The following EHD4 variants were observed in gnomAD, a reference collection of about 807,000 sequenced individuals.
EHD4 encodes the protein EH domain-containing protein 4.
In EHD4, 37 loss-of-function variants were observed where a neutral mutation model predicts 51.0. The ratio of observed to expected loss-of-function variants is 0.73; its 90% CI spans 0.56 to 0.95. The LOEUF (loss-of-function observed/expected upper bound fraction) is 0.95. Ranked by LOEUF, EHD4 falls within the 40% of genes least tolerant of loss-of-function variation. EHD4 has a pLI of 0.00. For synonymous variants in EHD4, 297 were observed against 317.3 expected, an observed-to-expected ratio of 0.94 and a Z score of 0.68; for missense variants, 632 against 733.1, an observed-to-expected ratio of 0.86 and a Z score of 1.59.
chr15:41,946,659 G>A (rs1250028026), intron 2 of EHD4, among the ~76,000 whole-genome samples: 1 of 152,180 alleles, frequency 6.6e-6, no homozygotes, highest in Non-Finnish European at 1.5e-5. Context: ...CCAGGAGGTC[G>A]GAGCTGCAGT....
intron 1 of EHD4, among the ~76,000 whole-genome samples, chr15:41,963,981 TAAAAATGCA>T (rs1473776584): frequency 6.6e-6 from 1 of 151,320 alleles, no homozygotes; most frequent in East Asian, 1.9e-4. Context: ...CCGTCTCTTC[TAAAAATGCA>T]AAAAATTAGC....
intron 1 of EHD4, 93 bp downstream of exon 1, chr15:41,972,166 C>G: frequency 1.6e-6 from 2 of 1,225,308 alleles, no homozygotes; most frequent in Non-Finnish European, 1.0e-6. Flanking sequence ...GTCGCGCCGG[C>G]CGGGAGGGGC....
chr15:41,971,687 GGGCGGCTAAA>G (rs2067996491), intron 1 of EHD4, among the ~76,000 whole-genome samples: 1 of 152,166 alleles, frequency 6.6e-6, no homozygotes, highest in Admixed American at 6.5e-5. Flanking sequence ...CACTTCCTAC[GGGCGGCTAAA>G]GGCGGTGCAT....
chr15:41,932,382 G>C (rs2067705023), intron 3 of EHD4, among the ~76,000 whole-genome samples: 1 of 152,316 alleles, frequency 6.6e-6, no homozygotes, highest in South Asian at 2.1e-4. Context: ...GGGTGGTACA[G>C]ACATTCTTCA....
intron 3 of EHD4, among the ~76,000 whole-genome samples, chr15:41,938,735 C>T (rs1240260727): frequency 2.0e-5 from 3 of 152,172 alleles, no homozygotes; most frequent in Non-Finnish European, 1.5e-5. Flanking sequence ...CTATTGAAGG[C>T]TACGCAAAAC....
chr15:41,954,654 GA>G lies in EHD4; in HGVS notation c.237-715del, dbSNP rs759250060. ...ACTGAAAAAAAATTTTTTTTTTTGA[GA>G]CTGGGTCTTGCTCTGTTGCCCAGGC... is the stretch of plus-strand genomic sequence containing the variant. On this transcript the variant is annotated intron_variant, in intron 1 of 5. Coordinates refer to ENST00000220325, the MANE Select transcript of EHD4 (RefSeq NM_139265.4). Among the ~76,000 whole-genome samples, 115 of 151,750 alleles carry G rather than the reference GA, an allele frequency of 7.6e-4. No individual in the cohort carries two copies. In the Middle Eastern group the frequency reaches 0.01, roughly 13 times the overall value.
Position 41,909,707 on chromosome 15 carries a change from C to A in EHD4, c.1081G>T (p.Ala361Ser). Residue 361 changes from alanine (A) to serine (S), a missense_variant, in exon 5 of 6, where the codon GCT (alanine) becomes TCT (serine). Ala to Ser is a moderately conservative substitution (Grantham distance 99). Transcript: ENST00000220325. ...TAGTGGGCTCCCAGTACCTGCATAG[C>A]CTTGACCTCAGGGAAGTCCCCTGCA... ...ISAGDFPEVK[A>S]MQEQLENYDF... 6.2e-7 allele frequency: 1 copy of A among 1,614,174 alleles called. No individual in the cohort carries two copies. Among genetic ancestry groups the A allele is most frequent in the Non-Finnish European group, 8.5e-7 (1 of 1,180,014 alleles).
In EHD4 at chr15:41,900,301, G is replaced by A; in HGVS notation, c.*344C>T. On this transcript the variant is annotated 3_prime_UTR_variant, in exon 6 of 6. Coordinates refer to ENST00000220325, the MANE Select transcript of EHD4 (RefSeq NM_139265.4). The surrounding 1 kb of genome is among the most constrained non-coding windows in gnomAD (Gnocchi z 4.8). ...CAGCCTGGAGACCCAGCTGCTCTGG[G>A]TGAGCCTTAGCTCACTTCCTGTGGT... 3.6e-6 allele frequency: 1 copy of A among 278,186 alleles called. No individual in the cohort carries two copies. Among genetic ancestry groups the A allele is most frequent in the Non-Finnish European group, 6.7e-6 (1 of 148,480 alleles). The allele number at this position is 278,186 out of a possible 1,614,324, so 17.2% of individuals were successfully genotyped here.
intron 5 of EHD4, among the ~76,000 whole-genome samples, chr15:41,904,135 C>T (rs1014224890): frequency 1.1e-4 from 17 of 152,186 alleles, no homozygotes; most frequent in East Asian, 7.7e-4. Flanking sequence ...AATGAGCCTG[C>T]GCTCAGAGCG....
chr15:41,902,736 T>C (rs2067485255), intron 5 of EHD4, among the ~76,000 whole-genome samples: 1 of 151,294 alleles, frequency 6.6e-6, no homozygotes, highest in East Asian at 1.9e-4. Flanking sequence ...GACCCATATA[T>C]ATATATATAC....
intron 4 of EHD4, among the ~76,000 whole-genome samples, chr15:41,914,022 A>G (rs1163338806): frequency 1.4e-5 from 2 of 147,964 alleles, no homozygotes; most frequent in African/African-American, 5.1e-5. Context: ...TCTGACACAG[A>G]TCTCATTGTG....
At position 41,901,197 on chromosome 15, in the gene EHD4, C is replaced by T; in HGVS notation, c.1090-16G>A. The T allele has an allele frequency of 2.6e-6, 4 of 1,531,180 alleles. No individual in the cohort carries two copies. The highest frequency in any genetic ancestry group is 3.5e-6 in the Non-Finnish European group (4 of 1,141,510). 94.8% of individuals were successfully genotyped at this position (1,531,180 alleles called of 1,614,324 possible). On this transcript the variant is annotated splice_polypyrimidine_tract_variant and intron_variant, in intron 5 of 5. Coordinates refer to ENST00000220325, the MANE Select transcript of EHD4 (RefSeq NM_139265.4). ...CAAGCTGTTCCTGCAGAAGGACAAACCACAGGATGGGTTACATGTGGTCTC... is the reference window on the plus strand; with the variant it reads ...CAAGCTGTTCCTGCAGAAGGACAAATCACAGGATGGGTTACATGTGGTCTC...
intron 5 of EHD4, 26 bp downstream of exon 5, chr15:41,909,673 G>A (rs181241129): frequency 1.8e-4 from 286 of 1,613,152 alleles, no homozygotes; most frequent in Non-Finnish European, 2.4e-4. Context: ...CCCTCTGCCC[G>A]TGACATTGTA....
chr15:41,915,905 T>C (rs972341760), intron 4 of EHD4, among the ~76,000 whole-genome samples: 2 of 152,130 alleles, frequency 1.3e-5, no homozygotes, highest in South Asian at 2.1e-4. Context: ...GAAAAAAATA[T>C]ACAAACAGAA....
In EHD4 at chr15:41,919,194, G is replaced by A. The variant is rs747077546; in HGVS notation, c.924+16C>T. On this transcript the variant is annotated intron_variant, in intron 4 of 5. Coordinates refer to ENST00000220325, the MANE Select transcript of EHD4 (RefSeq NM_139265.4). ...TCCCAGCCCCTGGCCTCTGTGCAAG[G>A]CATCTCCTGGCTTACCTTGGCCAGC... The A allele has an allele frequency of 1.2e-6, 2 of 1,612,808 alleles. No homozygotes were observed. The highest frequency in any genetic ancestry group is 1.3e-5 in the African/African-American group (1 of 74,914).
intron 2 of EHD4, among the ~76,000 whole-genome samples, chr15:41,944,432 C>T (rs1197119038): frequency 6.6e-6 from 1 of 152,162 alleles, no homozygotes; most frequent in South Asian, 2.1e-4. Context: ...AAGCTCAATT[C>T]TTCCGTACGA....
chr15:41,919,505 A>G lies in EHD4; in HGVS notation c.629T>C (p.Phe210Ser). ...SDEFSEAIKA[F>S]RGQDDKIRVV... ...ACGGATCTTGTCGTCCTGGCCCCGG[A>G]AGGCCTTGATGGCCTCTGAGAATTC... Residue 210 changes from phenylalanine to serine, a missense_variant, in exon 4 of 6, where the codon TTC (phenylalanine) becomes TCC (serine). Coordinates refer to ENST00000220325, the MANE Select transcript of EHD4 (RefSeq NM_139265.4). The G allele has an allele frequency of 1.3e-6, 2 of 1,552,124 alleles. No homozygotes were observed. The highest frequency in any genetic ancestry group is 8.7e-7 in the Non-Finnish European group (1 of 1,152,078).
chr15:41,926,979 G>GC (rs2067666662), intron 3 of EHD4, among the ~76,000 whole-genome samples: 1 of 152,200 alleles, frequency 6.6e-6, no homozygotes, highest in Non-Finnish European at 1.5e-5. Flanking sequence ...GTCTGTAGCA[G>GC]CCTGAGAGCA....
chr15:41,972,004 G>A (rs929073872), intron 1 of EHD4, among the ~76,000 whole-genome samples: 5 of 152,130 alleles, frequency 3.3e-5, no homozygotes, highest in African/African-American at 4.8e-5. Context: ...GCGACCGGAC[G>A]AGGCCAGCGG....
Sources: gnomAD v4.1 joint callset for allele counts (sites outside exome capture counted in the v4.1 genomes callset) on GRCh38, gnomAD v4.1.1 for gene constraint, Gnocchi (gnomAD v3.1) non-coding constraint, MANE v1.5 for transcripts, NCBI Gene and HGNC (gene_info 2026-07-23, HGNC 2026-07-21) for gene names.